Variants in ZPLD1 observed in about 807,000 individuals in gnomAD.
ZPLD1 encodes the protein zona pellucida like domain containing 1, also known as zona pellucida-like domain-containing protein 1.
Under a neutral mutation model 47.2 loss-of-function variants are expected in ZPLD1, and 34 were observed. The observed-to-expected ratio is 0.72, with a 90% CI of 0.55 to 0.96. ZPLD1 has a LOEUF of 0.96. Ranked by LOEUF, ZPLD1 falls within the 40% of genes least tolerant of loss-of-function variation. ZPLD1 has a pLI of 0.00. For missense variants in ZPLD1, 512 were observed against 505.8 expected (o/e 1.01, Z -0.12); for synonymous variants, 176 against 186.2 (o/e 0.95, Z 0.45).
At chr3:102,405,109 G>A (rs1706666215) in intron 7 of ZPLD1, among the ~76,000 whole-genome samples, 1 of 151,926 alleles carries the variant, frequency 6.6e-6, no homozygotes, top group Non-Finnish European at 1.5e-5. Flanking sequence ...TTGTAAAGTG[G>A]AGTAGAGTCA....
At chr3:102,392,233 C>G (rs988247829) in intron 7 of ZPLD1, 1 of 152,124 alleles carries the variant, frequency 6.6e-6, no homozygotes, top group Non-Finnish European at 1.5e-5. Context: ...ACGGTAAGAA[C>G]TCTCAGGTCT....
intron 3 of ZPLD1, among the ~76,000 whole-genome samples, chr3:102,443,141 C>T (rs1264094322): frequency 6.6e-6 from 1 of 152,094 alleles, no homozygotes; most frequent in Non-Finnish European, 1.5e-5. Context: ...AAGGCACATC[C>T]AAAGAGGAAA....
At chr3:102,436,461 A>G (rs1269306778) in intron 1 of ZPLD1, among the ~76,000 whole-genome samples, 1 of 152,238 alleles carries the variant, frequency 6.6e-6, no homozygotes, top group Non-Finnish European at 1.5e-5. Flanking sequence ...AAGATACACA[A>G]AGTAAAAAGC....
chr3:102,462,473 T>G, intron 7 of ZPLD1, 95 bp downstream of exon 7: 1 of 732,850 alleles, frequency 1.4e-6, no homozygotes, highest in Non-Finnish European at 2.2e-6. Flanking sequence ...TTAAATTCAG[T>G]TTGAAAATAT....
intron 6 of ZPLD1, among the ~76,000 whole-genome samples, chr3:102,460,203 T>G (rs1228689112): frequency 5.3e-5 from 8 of 152,068 alleles, no homozygotes; most frequent in African/African-American, 9.6e-5. Flanking sequence ...TTAATTCCTA[T>G]TTCACATGGA....
chr3:102,420,298 A>G (rs1401958547), intron 8 of ZPLD1, among the ~76,000 whole-genome samples: 1 of 151,956 alleles, frequency 6.6e-6, no homozygotes, highest in Non-Finnish European at 1.5e-5. Context: ...CTGAAAGACA[A>G]TATTTGCTGA....
chr3:102,430,246 C>A (rs1707001634), upstream of ZPLD1, among the ~76,000 whole-genome samples: 6 of 152,192 alleles, frequency 3.9e-5, no homozygotes, highest in South Asian at 1.2e-3. Context: ...GTTCACCTTG[C>A]TCCAGCCTTC....
chr3:102,433,669 GGCA>G (rs1707045003), upstream of ZPLD1, among the ~76,000 whole-genome samples: 1 of 152,142 alleles, frequency 6.6e-6, no homozygotes, highest in Non-Finnish European at 1.5e-5. Flanking sequence ...CTGGGACTAA[GGCA>G]CCCGCCACCA....
At chr3:102,395,041 CAGTGGGGTAGTAGA>C (rs1258646260) in intron 7 of ZPLD1, among the ~76,000 whole-genome samples, 3 of 152,048 alleles carry the variant, frequency 2.0e-5, no homozygotes, top group Non-Finnish European at 4.4e-5. Context: ...AAGATGGCAT[CAGTGGGGTAGTAGA>C]AGGAGGGATC....
intron 6 of ZPLD1, among the ~76,000 whole-genome samples, chr3:102,461,725 G>C (rs1010177639): frequency 1.3e-5 from 2 of 151,850 alleles, no homozygotes; most frequent in Non-Finnish European, 2.9e-5. Flanking sequence ...ATTCTCCCTA[G>C]AAGAAAATTT....
intron 3 of ZPLD1, among the ~76,000 whole-genome samples, chr3:102,448,287 A>G (rs1576153756): frequency 6.6e-6 from 1 of 152,172 alleles, no homozygotes; most frequent in Admixed American, 6.6e-5. Context: ...ACCCCTAAAG[A>G]TATCTACTCA....
rs113821451 is a variant in ZPLD1, at chr3:102,395,669, C to T, written c.-157+3444C>T. Among the ~76,000 whole-genome samples the T allele has an allele frequency of 1.7e-3, 259 of 152,220 alleles. 1 individual carries two copies. Among genetic ancestry groups the T allele is most frequent in the Admixed American group, 2.0e-3 (30 of 15,288 alleles). On this transcript the variant is annotated intron_variant, in intron 7 of 17. Transcript: ENST00000491959. ...TTAAGCTACGATATTTGGAGTAATTCGTAACAGAAAACCAATGCACCTGTG... is the reference window on the plus strand; with the variant it reads ...TTAAGCTACGATATTTGGAGTAATTTGTAACAGAAAACCAATGCACCTGTG...
intron 4 of ZPLD1, among the ~76,000 whole-genome samples, chr3:102,455,275 A>G (rs981379220): frequency 2.0e-5 from 3 of 152,230 alleles, no homozygotes; most frequent in Non-Finnish European, 2.9e-5. Flanking sequence ...CGAAGAAGCT[A>G]GAAGAACTCT....
At chr3:102,409,959 CA>C (rs1336187196) in intron 7 of ZPLD1, among the ~76,000 whole-genome samples, 2 of 151,692 alleles carry the variant, frequency 1.3e-5, no homozygotes, top group Non-Finnish European at 2.9e-5. Context: ...ATGATTTACA[CA>C]AGGCTAACAA....
At chr3:102,391,412 G>A (rs114402087) in intron 6 of ZPLD1, among the ~76,000 whole-genome samples, 2,490 of 152,182 alleles carry the variant, frequency 0.016, 31 homozygotes, top group Non-Finnish European at 0.022. Context: ...GATGTGGGGT[G>A]TCTGTGTTCC....
chr3:102,468,990 T>C lies in ZPLD1; in HGVS notation c.788T>C (p.Val263Ala), dbSNP rs1280554256. 1 of 1,613,960 alleles carries C rather than the reference T, an allele frequency of 6.2e-7. No individual in the cohort carries two copies. The highest frequency in any genetic ancestry group is 8.5e-7 in the Non-Finnish European group (1 of 1,179,922). Residue 263 changes from valine (V) to alanine (A), a missense_variant, in exon 9 of 12, where the codon GTC (valine) becomes GCC (alanine). By Grantham distance (64) the Val-to-Ala change is moderately conservative (BLOSUM62 0). Coordinates refer to ENST00000466937, the MANE Select transcript of ZPLD1 (RefSeq NM_001329788.2). ...LSCDKDPQTT[V>A]IENGRSQRGR... The stretch of plus-strand genomic sequence containing the variant: ...TGTGACAAGGACCCTCAGACCACCG[T>C]CATTGAGAATGGCCGAAGCCAGCGG...
At chr3:102,414,152 C>A (rs951347762) in intron 7 of ZPLD1, among the ~76,000 whole-genome samples, 1 of 151,700 alleles carries the variant, frequency 6.6e-6, no homozygotes, top group South Asian at 2.1e-4. Flanking sequence ...AGTTTGTTTC[C>A]TGTTCTAGAG....
At chr3:102,392,884 A>G (rs959226662) in intron 7 of ZPLD1, among the ~76,000 whole-genome samples, 1 of 152,206 alleles carries the variant, frequency 6.6e-6, no homozygotes, top group African/African-American at 2.4e-5. Flanking sequence ...AAGATGTAAT[A>G]GACTATAGTT....
intron 11 of ZPLD1, 128 bp from the exon 12 acceptor site, chr3:102,477,315 A>G (rs1707772784): frequency 9.3e-7 from 1 of 1,079,850 alleles, no homozygotes; most frequent in African/African-American, 1.6e-5. Context: ...ATAGATTGTA[A>G]CACAATTCAG....
Sources: allele counts gnomAD v4.1 joint callset (sites outside exome capture counted in the v4.1 genomes callset), GRCh38; gene constraint gnomAD v4.1.1; transcripts MANE v1.5; gene names NCBI Gene and HGNC (gene_info 2026-07-23, HGNC 2026-07-21).